The following INTS6L variants were observed in gnomAD, a reference collection of about 807,000 sequenced individuals.
INTS6L encodes integrator complex subunit 6 like.
In INTS6L, 18 loss-of-function variants were observed where a neutral mutation model predicts 64.7. That is an observed-to-expected ratio of 0.28 (90% CI 0.19 to 0.41). INTS6L has a LOEUF of 0.41. INTS6L is among the 10% of genes least tolerant of loss of function. The pLI, the probability that INTS6L is intolerant of heterozygous loss-of-function variation, is 1.00. For missense variants in INTS6L, 533 were observed against 661.0 expected, an observed-to-expected ratio of 0.81 and a Z score of 2.12; for synonymous variants, 227 against 235.9, an observed-to-expected ratio of 0.96 and a Z score of 0.34.
intron 2 of INTS6L, among the ~76,000 whole-genome samples, chrX:135,528,227 G>T (rs1418751731): frequency 2.7e-5 from 3 of 111,685 alleles, no homozygotes; most frequent in African/African-American, 9.8e-5. Flanking sequence ...TTATCTCCTG[G>T]ATACAATGTT....
At chrX:135,576,555 C>T (rs1022181420) in intron 14 of INTS6L, among the ~76,000 whole-genome samples, 1 of 111,147 alleles carries the variant, frequency 9.0e-6, no homozygotes, top group Non-Finnish European at 1.9e-5. Flanking sequence ...TGGACAAGAA[C>T]AGCTCTTGGC....
intron 7 of INTS6L, 50 bp from the exon 8 acceptor site, chrX:135,551,944 G>T (rs1418245911): frequency 9.8e-7 from 1 of 1,020,078 alleles, no homozygotes; most frequent in Non-Finnish European, 1.3e-6. Flanking sequence ...ATATAAGCTT[G>T]CTTTGAGACC....
intron 2 of INTS6L, among the ~76,000 whole-genome samples, chrX:135,531,423 G>C (rs1370083886): frequency 2.7e-5 from 3 of 112,375 alleles, no homozygotes; most frequent in Non-Finnish European, 3.8e-5. Context: ...TCCACTGACT[G>C]TCTGTCCTGC....
At chrX:135,528,276 A>G (rs1258440374) in intron 2 of INTS6L, among the ~76,000 whole-genome samples, 2 of 111,675 alleles carry the variant, frequency 1.8e-5, no homozygotes, top group Non-Finnish European at 3.8e-5. Flanking sequence ...CCTCCCAGGA[A>G]CCTTTTTAAC....
intron 4 of INTS6L, 79 bp downstream of exon 4, chrX:135,546,548 A>C: frequency 1.0e-6 from 1 of 996,327 alleles, no homozygotes; most frequent in Non-Finnish European, 1.4e-6. Context: ...ATTTCCAGTT[A>C]ACAGTAAGTT....
rs1354399963 is a variant in INTS6L at position 135,552,048 on chromosome X, A to G, written c.961A>G (p.Met321Val). The G allele has an allele frequency of 1.0e-5, 12 of 1,198,271 alleles. No homozygotes were observed. Among genetic ancestry groups the G allele is most frequent in the Non-Finnish European group, 1.2e-5 (11 of 889,895 alleles). ...GTTCTCCTGTGTAGATTGTGAGCCA[A>G]TGGTAATAGACAAACTTCCTTTTGA... is the stretch of plus-strand genomic sequence containing the variant. ...VRFSCVDCEP[M>V]VIDKLPFDKY... is the part of the protein sequence containing the mutation. Residue 321 changes from methionine to valine, a missense_variant, in exon 8 of 18, where the codon ATG becomes GTG. By Grantham distance (21) the Met-to-Val change is conservative. Coordinates refer to ENST00000639893, the MANE Select transcript of INTS6L (RefSeq NM_001351601.3).
rs142107131 is a variant in INTS6L, at chrX:135,580,243, C to G, written c.2494+81C>G. The stretch of plus-strand genomic sequence containing the variant: ...TGATTCACTATAGATTCAAGCTATC[C>G]CTTGAGGTACACTGGGGGCAATATT... On this transcript the variant is annotated intron_variant, in intron 16 of 17. Coordinates refer to ENST00000639893, the MANE Select transcript of INTS6L (RefSeq NM_001351601.3). 586 of 1,074,860 alleles carry G rather than the reference C, an allele frequency of 5.5e-4. 4 individuals carry two copies. The East Asian group carries it at 0.015, about 27-fold the overall frequency. The allele number at this position is 1,074,860 out of a possible 1,213,427, so 88.6% of individuals were successfully genotyped here.
intron 2 of INTS6L, among the ~76,000 whole-genome samples, chrX:135,528,876 C>CCCG (rs1556503061): frequency 2.3e-5 from 2 of 86,425 alleles, no homozygotes; most frequent in African/African-American, 8.5e-5. Flanking sequence ...ACCCCCCCCC[C>CCCG]CGACCCACCG....
intron 2 of INTS6L, among the ~76,000 whole-genome samples, chrX:135,540,818 A>G (rs781952476): frequency 2.8e-5 from 3 of 105,599 alleles, no homozygotes; most frequent in Non-Finnish European, 5.9e-5. Flanking sequence ...GTGCAGTGGC[A>G]TGATGGAGTG....
At chrX:135,523,402 CAAAAAAAAAAA>C (rs782434658) in intron 2 of INTS6L, among the ~76,000 whole-genome samples, 1 of 36,977 alleles carries the variant, frequency 2.7e-5, no homozygotes, top group Non-Finnish European at 4.3e-5. Context: ...ACTCTGTCGT[CAAAAAAAAAAA>C]AAAAAAAAAA....
chrX:135,572,823 A>G lies in INTS6L; in HGVS notation c.1407A>G (p.Leu469=). The change falls in exon 12 of 18, where the codon CTA becomes CTG. Residue 469 remains leucine (L), a synonymous_variant. Coordinates refer to ENST00000639893, the MANE Select transcript of INTS6L (RefSeq NM_001351601.3). ...YLKKLSQQTK[L]ESERILASVG... is the part of the protein sequence containing the mutation. ...ATGTACTTTCATTTTAGACCAAACT[A>G]GAGTCAGAACGAATACTAGCATCAG... The G allele has an allele frequency of 8.3e-7, 1 of 1,209,551 alleles. No individual in the cohort carries two copies. The highest frequency in any genetic ancestry group is 1.1e-6 in the Non-Finnish European group (1 of 894,001).
At chrX:135,560,673 T>A (rs1428495684) in intron 9 of INTS6L, among the ~76,000 whole-genome samples, 1 of 110,824 alleles carries the variant, frequency 9.0e-6, no homozygotes, top group Non-Finnish European at 1.9e-5. Flanking sequence ...CAAAACCCTG[T>A]CTCTACTAAA....
At chrX:135,568,010 A>AT (rs200907508) in intron 9 of INTS6L, among the ~76,000 whole-genome samples, 175 of 111,235 alleles carry the variant, frequency 1.6e-3, no homozygotes, top group African/African-American at 5.3e-3. Context: ...TAAGTAAAGC[A>AT]TTTTTTTTAA....
intron 2 of INTS6L, among the ~76,000 whole-genome samples, chrX:135,524,427 T>C (rs1370243868): frequency 9.0e-6 from 1 of 110,631 alleles, no homozygotes; most frequent in Non-Finnish European, 1.9e-5. Context: ...TATTGGTAGC[T>C]TATACTTTTG....
chrX:135,547,602 CTTGTT>C (rs2086390271), intron 6 of INTS6L, among the ~76,000 whole-genome samples: 1 of 111,921 alleles, frequency 8.9e-6, no homozygotes. Context: ...AAATAATAAT[CTTGTT>C]TTGGTTTTGT....
intron 14 of INTS6L, 21 bp from the exon 15 acceptor site, chrX:135,577,172 G>A (rs782404347): frequency 4.2e-6 from 5 of 1,194,319 alleles, no homozygotes; most frequent in Middle Eastern, 4.6e-4. Flanking sequence ...AATGAAATAC[G>A]TTCATTTATG....
In INTS6L at chrX:135,520,961, A is replaced by T. The variant is rs1556495881; in HGVS notation, c.-32A>T. ...GCAGTGAGGGCAAGAGGGCCGGGAG[A>T]GTGGGGAGCGGAGGCAGGAGTGCGG... On this transcript the variant is annotated 5_prime_UTR_variant, in exon 1 of 18. Coordinates refer to ENST00000639893, the MANE Select transcript of INTS6L (RefSeq NM_001351601.3). 3 of 1,187,274 alleles carry T rather than the reference A, an allele frequency of 2.5e-6. No individual in the cohort carries two copies. Among genetic ancestry groups the T allele is most frequent in the Non-Finnish European group, 3.4e-6 (3 of 876,584 alleles).
Position 135,575,146 on chromosome X carries a change from G to A in INTS6L, c.1804G>A (p.Ala602Thr), listed in dbSNP as rs782766767. ...CTATCAGGAATATCTGAAGACATTG[G>A]CTTCTCCACTGCGAGAGATTGATCC... ...GNYQEYLKTL[A>T]SPLREIDPDQ... Residue 602 changes from alanine to threonine, a missense_variant, in exon 14 of 18, where the codon GCT (alanine) becomes ACT (threonine). Coordinates refer to ENST00000639893, the MANE Select transcript of INTS6L (RefSeq NM_001351601.3). 1.4e-5 allele frequency: 17 copies of A among 1,211,379 alleles called. 1 individual carries two copies. The highest frequency in any genetic ancestry group is 1.6e-5 in the Non-Finnish European group (14 of 895,256).
At chrX:135,537,801 A>G (rs1202244621) in intron 2 of INTS6L, among the ~76,000 whole-genome samples, 8 of 112,752 alleles carry the variant, frequency 7.1e-5, no homozygotes, top group African/African-American at 1.9e-4. Context: ...GACCACCACA[A>G]TGAAGTGAGT....
Sources: gnomAD v4.1 joint callset for allele counts (sites outside exome capture counted in the v4.1 genomes callset) on GRCh38, gnomAD v4.1.1 for gene constraint, MANE v1.5 for transcripts, NCBI Gene and HGNC (gene_info 2026-07-23, HGNC 2026-07-21) for gene names.